Variants in GNG12 observed in about 807,000 individuals in gnomAD.
GNG12 encodes the protein G protein subunit gamma 12.
For synonymous variants in GNG12, 28 were observed against 29.7 expected (o/e 0.94, Z 0.19); for missense variants, 69 against 83.8 (o/e 0.82, Z 0.69).
chr1:67,726,923 C>T (rs1646389791), intron 2 of GNG12, among the ~76,000 whole-genome samples: 1 of 152,174 alleles, frequency 6.6e-6, no homozygotes, highest in South Asian at 2.1e-4. Flanking sequence ...TCAAAAGCCG[C>T]TCCTCTTCTG....
intron 1 of GNG12, among the ~76,000 whole-genome samples, chr1:67,826,839 T>C (rs556225564): frequency 3.3e-5 from 5 of 152,302 alleles, no homozygotes; most frequent in East Asian, 3.9e-4. Context: ...TCTGCAATAA[T>C]TTATCCCCCC....
At chr1:67,734,832 T>C (rs1209100528) in intron 2 of GNG12, among the ~76,000 whole-genome samples, 1 of 152,088 alleles carries the variant, frequency 6.6e-6, no homozygotes, top group African/African-American at 2.4e-5. Context: ...TTAAAATGTA[T>C]TACAATTTTT....
At chr1:67,791,214 A>C (rs534782662) in intron 1 of GNG12, among the ~76,000 whole-genome samples, 29 of 152,214 alleles carry the variant, frequency 1.9e-4, no homozygotes, top group Non-Finnish European at 3.7e-4. Context: ...TAATCTTTTA[A>C]AATTCACACT....
chr1:67,755,697 C>T (rs934475328), intron 2 of GNG12, among the ~76,000 whole-genome samples: 1 of 152,180 alleles, frequency 6.6e-6, no homozygotes, highest in Non-Finnish European at 1.5e-5. Context: ...ATATACCTCA[C>T]TGTACTGAAC....
At chr1:67,725,325 T>C (rs1646379536) in intron 2 of GNG12, among the ~76,000 whole-genome samples, 2 of 152,190 alleles carry the variant, frequency 1.3e-5, no homozygotes, top group African/African-American at 4.8e-5. Flanking sequence ...CATAACACGC[T>C]AGCAAGGAAA....
At chr1:67,827,885 C>T (rs1647020660) in intron 1 of GNG12, among the ~76,000 whole-genome samples, 2 of 152,208 alleles carry the variant, frequency 1.3e-5, no homozygotes, top group South Asian at 2.1e-4. Flanking sequence ...ACTTAAGTGA[C>T]ATCAGATATG....
Position 67,831,522 on chromosome 1 carries a change from T to C in GNG12, c.-77+1822A>G, listed in dbSNP as rs545932107. 2.0e-3 allele frequency among the ~76,000 whole-genome samples: 304 copies of C among 152,146 alleles called. 1 individual carries two copies. Among genetic ancestry groups the C allele is most frequent in the Non-Finnish European group, 3.5e-3 (235 of 68,028 alleles). ...TGTTGGGGGTTCGATATCTAGTAAA[T>C]TACATGAGTTAAATACAGCAAAAAT... On this transcript the variant is annotated intron_variant, in intron 1 of 3. Coordinates refer to ENST00000370982, the MANE Select transcript of GNG12 (RefSeq NM_018841.6).
chr1:67,822,479 C>T (rs923868995), intron 1 of GNG12, among the ~76,000 whole-genome samples: 12 of 152,102 alleles, frequency 7.9e-5, no homozygotes, highest in South Asian at 2.1e-4. Context: ...GAAGCTGACA[C>T]TGCAGTGAGG....
chr1:67,744,898 T>C (rs565102831), intron 2 of GNG12, among the ~76,000 whole-genome samples: 6 of 152,322 alleles, frequency 3.9e-5, no homozygotes, highest in African/African-American at 1.4e-4. Context: ...CCAAGAGTAG[T>C]GGCTAAGTTC....
chr1:67,815,459 T>C lies in GNG12; in HGVS notation c.-77+17885A>G, dbSNP rs534670913. Among the ~76,000 whole-genome samples, 9 of 152,306 alleles carry C rather than the reference T, an allele frequency of 5.9e-5. 2 individuals carry two copies. Among genetic ancestry groups the C allele is most frequent in the African/African-American group, 2.2e-4 (9 of 41,576 alleles). On this transcript the variant is annotated intron_variant, in intron 1 of 3. Transcript: ENST00000370982. ...AGATTTAGCTTTCTCAAGAAAACTT[T>C]CCATGAAACACGACTTGCCAGGACA... is the stretch of plus-strand genomic sequence containing the variant.
intron 1 of GNG12, among the ~76,000 whole-genome samples, chr1:67,795,905 A>G (rs2100789669): frequency 6.6e-6 from 1 of 152,364 alleles, no homozygotes; most frequent in Admixed American, 6.5e-5. Context: ...AAATATGCAC[A>G]TGGAAACTAA....
intron 1 of GNG12, among the ~76,000 whole-genome samples, chr1:67,831,187 A>G (rs1263176571): frequency 1.3e-5 from 2 of 152,232 alleles, no homozygotes; most frequent in African/African-American, 2.4e-5. Context: ...AAGCTGACAT[A>G]AAACTCCAAA....
At chr1:67,806,746 T>C (rs1198449617) in intron 1 of GNG12, among the ~76,000 whole-genome samples, 1 of 152,150 alleles carries the variant, frequency 6.6e-6, no homozygotes, top group Non-Finnish European at 1.5e-5. Context: ...ATATTTGTCA[T>C]GTATGCACCT....
At chr1:67,786,945 G>GTGTT (rs1646771898) in intron 1 of GNG12, among the ~76,000 whole-genome samples, 1 of 26,948 alleles carries the variant, frequency 3.7e-5, no homozygotes, top group Admixed American at 4.6e-4. Context: ...ATGTGTGTGT[G>GTGTT]TGTGTGTGTG....
At chr1:67,766,098 G>GCGCACA (rs1307715972) in intron 2 of GNG12, among the ~76,000 whole-genome samples, 9 of 100,886 alleles carry the variant, frequency 8.9e-5, no homozygotes, top group African/African-American at 4.1e-4. Flanking sequence ...ACAAAACAAG[G>GCGCACA]CACACACGCA....
chr1:67,792,837 C>T (rs1448130603), intron 1 of GNG12, among the ~76,000 whole-genome samples: 1 of 152,172 alleles, frequency 6.6e-6, no homozygotes, highest in Non-Finnish European at 1.5e-5. Flanking sequence ...GCCCCTTCTG[C>T]CAGGAGTCTC....
intron 1 of GNG12, among the ~76,000 whole-genome samples, chr1:67,778,637 T>C (rs769965979): frequency 5.9e-5 from 9 of 152,074 alleles, no homozygotes; most frequent in Non-Finnish European, 7.4e-5. Context: ...GAGGTAAATA[T>C]ATTATTCTCA....
At chr1:67,725,720 A>T (rs1012363088) in intron 2 of GNG12, among the ~76,000 whole-genome samples, 7 of 152,220 alleles carry the variant, frequency 4.6e-5, no homozygotes, top group Non-Finnish European at 1.0e-4. Context: ...AATCAGCAAC[A>T]TCAATACAAT....
At chr1:67,807,766 A>G (rs1306583604) in intron 1 of GNG12, among the ~76,000 whole-genome samples, 2 of 152,148 alleles carry the variant, frequency 1.3e-5, no homozygotes, top group Non-Finnish European at 2.9e-5. Context: ...TCACAAAAGA[A>G]AACAGATAAT....
Sources: gnomAD v4.1 joint callset for allele counts (sites outside exome capture counted in the v4.1 genomes callset) on GRCh38, gnomAD v4.1.1 for gene constraint, MANE v1.5 for transcripts, NCBI Gene and HGNC (gene_info 2026-07-23, HGNC 2026-07-21) for gene names.